The following GABRB1 variants were observed in gnomAD, a reference collection of about 807,000 sequenced individuals.
The protein encoded by GABRB1 is gamma-aminobutyric acid type A receptor subunit beta1, also known as gamma-aminobutyric acid receptor subunit beta-1.
A neutral mutation model predicts 51.6 loss-of-function variants in GABRB1; 17 were observed. The observed-to-expected ratio is 0.33, with a 90% CI of 0.23 to 0.49. The LOEUF is 0.49. GABRB1 is among the 20% of genes least tolerant of loss of function. The probability of loss-of-function intolerance (pLI) is 0.99; values close to 1 mark genes in which losing one functional copy is unlikely to be tolerated. For synonymous variants in GABRB1, 247 were observed against 218.9 expected (o/e 1.13, Z -1.14); for missense variants, 410 against 600.6 (o/e 0.68, Z 3.32).
intron 4 of GABRB1, among the ~76,000 whole-genome samples, chr4:47,194,173 A>T (rs568586380): frequency 2.0e-5 from 3 of 152,338 alleles, no homozygotes; most frequent in African/African-American, 7.2e-5. Context: ...AAAGTAGGAC[A>T]TAAGTTCAAC....
At chr4:47,160,496 T>C (rs1717895785) in intron 3 of GABRB1, among the ~76,000 whole-genome samples, 1 of 152,110 alleles carries the variant, frequency 6.6e-6, no homozygotes, top group African/African-American at 2.4e-5. Flanking sequence ...GAATTTGGGG[T>C]GTGAAAAACA....
At chr4:47,052,244 T>C (rs975224464) in intron 3 of GABRB1, among the ~76,000 whole-genome samples, 14 of 152,180 alleles carry the variant, frequency 9.2e-5, no homozygotes, top group Non-Finnish European at 1.5e-5. Flanking sequence ...TGAAGCAATA[T>C]GGAGGCCCCA....
intron 4 of GABRB1, among the ~76,000 whole-genome samples, chr4:47,224,215 T>G (rs1246724026): frequency 6.6e-6 from 1 of 152,084 alleles, no homozygotes; most frequent in Non-Finnish European, 1.5e-5. Context: ...CCTTCCACAT[T>G]TGACTCAAAT....
chr4:47,258,662 C>T (rs1176249088), intron 4 of GABRB1, among the ~76,000 whole-genome samples: 2 of 152,146 alleles, frequency 1.3e-5, no homozygotes, highest in Non-Finnish European at 2.9e-5. Flanking sequence ...TTAGTCAAGA[C>T]TCAATTTCCT....
At chr4:47,027,970 C>T (rs1187750740), upstream of GABRB1, among the ~76,000 whole-genome samples, 2 of 151,586 alleles carry the variant, frequency 1.3e-5, no homozygotes, top group African/African-American at 4.8e-5. Context: ...TAAATTGTGG[C>T]AATTTATACT....
chr4:47,355,004 T>TTTTTC (rs1726510528), intron 5 of GABRB1, among the ~76,000 whole-genome samples: 1 of 143,700 alleles, frequency 7.0e-6, no homozygotes, highest in South Asian at 2.3e-4. Context: ...TTTTTTTTTT[T>TTTTTC]TGACAGAATC....
chr4:47,416,169 A>G (rs1728909029), intron 8 of GABRB1, among the ~76,000 whole-genome samples: 1 of 152,228 alleles, frequency 6.6e-6, no homozygotes, highest in South Asian at 2.1e-4. Context: ...TAGCCAGGTA[A>G]CAATGTGGGC....
intron 3 of GABRB1, among the ~76,000 whole-genome samples, chr4:47,035,917 G>A (rs1393799481): frequency 1.3e-5 from 2 of 152,116 alleles, no homozygotes; most frequent in African/African-American, 4.8e-5. Flanking sequence ...TTCAAGAGGT[G>A]GATCCTGATT....
chr4:47,034,582 C>A (rs1253816586), intron 3 of GABRB1, among the ~76,000 whole-genome samples: 1 of 152,176 alleles, frequency 6.6e-6, no homozygotes, highest in African/African-American at 2.4e-5. Flanking sequence ...ATAGAAACCA[C>A]TCAAAGTTGA....
At chr4:47,383,487 A>G (rs1230807772) in intron 5 of GABRB1, among the ~76,000 whole-genome samples, 1 of 152,060 alleles carries the variant, frequency 6.6e-6, no homozygotes, top group African/African-American at 2.4e-5. Flanking sequence ...GATAGATTAT[A>G]CCTAAAAAAA....
intron 7 of GABRB1, among the ~76,000 whole-genome samples, chr4:47,406,388 G>A (rs990403859): frequency 2.0e-5 from 3 of 152,196 alleles, no homozygotes; most frequent in Non-Finnish European, 4.4e-5. Flanking sequence ...GGATTTCAAT[G>A]GGATTTTGAT....
chr4:47,372,450 A>T (rs1727228703), intron 5 of GABRB1, among the ~76,000 whole-genome samples: 1 of 152,140 alleles, frequency 6.6e-6, no homozygotes, highest in Non-Finnish European at 1.5e-5. Context: ...TGTGCTGTTA[A>T]ATCTCCCTTT....
At chr4:47,187,655 C>G (rs1236211763) in intron 4 of GABRB1, among the ~76,000 whole-genome samples, 2 of 151,896 alleles carry the variant, frequency 1.3e-5, no homozygotes, top group Non-Finnish European at 2.9e-5. Flanking sequence ...AGAAGTTAAA[C>G]CGTGTCACTC....
intron 4 of GABRB1, among the ~76,000 whole-genome samples, chr4:47,173,266 A>G (rs1718521418): frequency 6.6e-6 from 1 of 152,180 alleles, no homozygotes; most frequent in South Asian, 2.1e-4. Flanking sequence ...TTAGATGATT[A>G]AACTTCAGTA....
At chr4:47,124,272 G>A (rs1300956364) in intron 3 of GABRB1, among the ~76,000 whole-genome samples, 1 of 152,018 alleles carries the variant, frequency 6.6e-6, no homozygotes. Context: ...TTCATTCTGG[G>A]TTTATGGATA....
chr4:47,390,492 A>G (rs1727948362), intron 5 of GABRB1, among the ~76,000 whole-genome samples: 1 of 152,240 alleles, frequency 6.6e-6, no homozygotes, highest in Admixed American at 6.5e-5. Context: ...CCAAAAGAAT[A>G]CTAACATCCC....
intron 5 of GABRB1, among the ~76,000 whole-genome samples, chr4:47,344,067 C>T (rs950290538): frequency 2.0e-5 from 3 of 152,074 alleles, no homozygotes; most frequent in Non-Finnish European, 4.4e-5. Context: ...TAAAGGAAAG[C>T]AATTTCTCAG....
intron 1 of GABRB1, among the ~76,000 whole-genome samples, chr4:47,001,510 T>C (rs890111059): frequency 1.3e-5 from 2 of 152,210 alleles, no homozygotes; most frequent in Non-Finnish European, 2.9e-5. Flanking sequence ...CAATAGACTT[T>C]GAGTAAAACA....
intron 3 of GABRB1, among the ~76,000 whole-genome samples, chr4:47,046,199 T>C (rs1205440352): frequency 1.3e-5 from 2 of 152,076 alleles, no homozygotes; most frequent in African/African-American, 4.8e-5. Context: ...GTCAATTAAA[T>C]TCCTTTCCTT....
Sources: gnomAD v4.1 joint callset for allele counts (sites outside exome capture counted in the v4.1 genomes callset) on GRCh38, gnomAD v4.1.1 for gene constraint, MANE v1.5 for transcripts, NCBI Gene and HGNC (gene_info 2026-07-23, HGNC 2026-07-21) for gene names.